Variants in BRINP2 observed in about 807,000 individuals in gnomAD.
BRINP2 encodes the protein BMP/retinoic acid inducible neural specific 2.
A neutral mutation model predicts 69.2 loss-of-function variants in BRINP2; 21 were observed. That is an observed-to-expected ratio of 0.30 (90% CI 0.22 to 0.44). The LOEUF (loss-of-function observed/expected upper bound fraction) is 0.44. Among genes scored for constraint, BRINP2 ranks in the 20% least tolerant of loss-of-function variants. The pLI is 1.00. For synonymous variants in BRINP2, 380 were observed against 394.1 expected (o/e 0.96, Z 0.42); for missense variants, 877 against 986.0 (o/e 0.89, Z 1.48).
At chr1:177,200,293 CAAAAAAAAAAAAAA>C (rs35619503) in intron 1 of BRINP2, among the ~76,000 whole-genome samples, 52 of 34,812 alleles carry the variant, frequency 1.5e-3, no homozygotes, top group African/African-American at 4.0e-3. Flanking sequence ...AACTCTGTCT[CAAAAAAAAAAAAAA>C]AAAAAAAAAA....
intron 4 of BRINP2, among the ~76,000 whole-genome samples, chr1:177,268,900 T>G (rs1651216069): frequency 2.6e-5 from 4 of 152,224 alleles, no homozygotes; most frequent in Admixed American, 2.6e-4. Context: ...ATGCTGTCTA[T>G]TTCTATGACC....
At chr1:177,193,729 C>T (rs914669697) in intron 1 of BRINP2, among the ~76,000 whole-genome samples, 2 of 152,184 alleles carry the variant, frequency 1.3e-5, no homozygotes, top group African/African-American at 4.8e-5. Flanking sequence ...GCCCTTACTG[C>T]AGGCTGAGGT....
intron 1 of BRINP2, among the ~76,000 whole-genome samples, chr1:177,175,978 C>T (rs536254673): frequency 2.0e-5 from 3 of 152,274 alleles, no homozygotes; most frequent in South Asian, 2.1e-4. Flanking sequence ...GACAGACAGC[C>T]GAGTTATGCT....
intron 1 of BRINP2, among the ~76,000 whole-genome samples, chr1:177,179,435 G>A (rs1294153536): frequency 6.6e-6 from 1 of 152,096 alleles, no homozygotes; most frequent in African/African-American, 2.4e-5. Context: ...GGGTGGCCTT[G>A]GGGTACAGCA....
At chr1:177,243,890 G>A (rs1291000835) in intron 2 of BRINP2, among the ~76,000 whole-genome samples, 1 of 151,004 alleles carries the variant, frequency 6.6e-6, no homozygotes, top group Non-Finnish European at 1.5e-5. Context: ...AGGATTTCAT[G>A]AGAGGTTTGA....
chr1:177,181,453 C>T (rs1443644499), intron 1 of BRINP2, among the ~76,000 whole-genome samples: 1 of 152,202 alleles, frequency 6.6e-6, no homozygotes, highest in Non-Finnish European at 1.5e-5. Flanking sequence ...GTTCATGCCC[C>T]ATCCCCACCA....
intron 2 of BRINP2, among the ~76,000 whole-genome samples, chr1:177,245,884 C>T (rs1650361563): frequency 6.6e-6 from 1 of 152,166 alleles, no homozygotes. Context: ...ACTCTCCCCT[C>T]CCCCATTTCT....
chr1:177,218,986 G>T (rs181079167), intron 1 of BRINP2, among the ~76,000 whole-genome samples: 6 of 152,144 alleles, frequency 3.9e-5, no homozygotes, highest in African/African-American at 1.2e-4. Context: ...TAAATAGATT[G>T]CTAATATATA....
intron 4 of BRINP2, among the ~76,000 whole-genome samples, chr1:177,270,542 G>A (rs1651284295): frequency 1.3e-5 from 2 of 151,900 alleles, no homozygotes; most frequent in South Asian, 4.2e-4. Context: ...GGATGGGGGA[G>A]GGAGAAGTGG....
In BRINP2 at chr1:177,279,790, C is replaced by T. The variant is rs564876509; in HGVS notation, c.1236-622C>T. On this transcript the variant is annotated intron_variant, in intron 7 of 7. Coordinates refer to ENST00000361539, the MANE Select transcript of BRINP2 (RefSeq NM_021165.4). ...GGGAAGCCGTTTATAAACAAGTAAA[C>T]AATAAATAAATAATTTCAGCTACTG... Among the ~76,000 whole-genome samples, 4 of 152,238 alleles carry T rather than the reference C, an allele frequency of 2.6e-5. No homozygotes were observed. The South Asian group carries it at 6.2e-4, about 24-fold the overall frequency.
At chr1:177,173,774 C>G (rs2102283474) in intron 1 of BRINP2, among the ~76,000 whole-genome samples, 1 of 152,296 alleles carries the variant, frequency 6.6e-6, no homozygotes, top group East Asian at 1.9e-4. Flanking sequence ...GAGAGCATCA[C>G]AGAAAAATGA....
intron 1 of BRINP2, among the ~76,000 whole-genome samples, chr1:177,174,998 A>T (rs929081153): frequency 7.9e-5 from 12 of 152,216 alleles, no homozygotes; most frequent in African/African-American, 2.9e-4. Context: ...TAAGCAAGCA[A>T]ATTTTAAGAG....
intron 2 of BRINP2, 27 bp downstream of exon 2, chr1:177,230,172 G>T (rs1243883935): frequency 1.9e-6 from 3 of 1,567,748 alleles, no homozygotes; most frequent in African/African-American, 2.7e-5. Flanking sequence ...ACTGAGACAG[G>T]GGCTTCCCTA....
At chr1:177,206,263 C>T (rs1271216872) in intron 1 of BRINP2, among the ~76,000 whole-genome samples, 1 of 152,108 alleles carries the variant, frequency 6.6e-6, no homozygotes, top group Admixed American at 6.6e-5. Flanking sequence ...AGAGTTAGAG[C>T]CACCCAAATT....
intron 5 of BRINP2, among the ~76,000 whole-genome samples, chr1:177,274,615 A>T (rs1651438120): frequency 6.6e-6 from 1 of 152,204 alleles, no homozygotes; most frequent in Admixed American, 6.5e-5. Flanking sequence ...CTAGTTGTTC[A>T]TTTGGAATAG....
chr1:177,200,321 A>AAAAAAAAAAAAAAAAAAC (rs1648871766), intron 1 of BRINP2, among the ~76,000 whole-genome samples: 1 of 147,182 alleles, frequency 6.8e-6, no homozygotes, highest in African/African-American at 2.6e-5. Context: ...AAAAAAAAAA[A>AAAAAAAAAAAAAAAAAAC]AGAATGCATT....
At chr1:177,205,423 C>T (rs538650385) in intron 1 of BRINP2, among the ~76,000 whole-genome samples, 241 of 152,272 alleles carry the variant, frequency 1.6e-3, no homozygotes, top group Middle Eastern at 0.014. Context: ...GGATTACAGC[C>T]GTGAGCCACT....
intron 1 of BRINP2, among the ~76,000 whole-genome samples, chr1:177,180,039 C>T (rs570022326): frequency 2.0e-4 from 30 of 152,176 alleles, no homozygotes; most frequent in Non-Finnish European, 3.5e-4. Context: ...AATGATTTGG[C>T]GAGCAGATGA....
chr1:177,241,213 C>T (rs1650193761), intron 2 of BRINP2, among the ~76,000 whole-genome samples: 1 of 152,154 alleles, frequency 6.6e-6, no homozygotes, highest in Admixed American at 6.5e-5. Context: ...CCTCGTGATC[C>T]CCCTGCCTCG....
Sources: allele counts gnomAD v4.1 joint callset (sites outside exome capture counted in the v4.1 genomes callset), GRCh38; gene constraint gnomAD v4.1.1; transcripts MANE v1.5; gene names NCBI Gene and HGNC (gene_info 2026-07-23, HGNC 2026-07-21).